BCL9: variants seen among roughly 807,000 people sequenced by gnomAD.
BCL9 encodes BCL9 transcription coactivator.
BCL9 carries 25 observed loss-of-function variants against 88.5 expected under a neutral mutation model. The observed-to-expected ratio is 0.28, with a 90% CI of 0.21 to 0.39. BCL9 has a LOEUF of 0.39. Ranked by LOEUF, BCL9 falls within the 10% of genes least tolerant of loss-of-function variation. The pLI is 1.00. For missense variants in BCL9, 1,817 were observed against 1,877.8 expected (o/e 0.97, Z 0.60); for synonymous variants, 711 against 673.3 (o/e 1.06, Z -0.87).
At chr1:147,587,724 T>C (rs1656677518) in intron 1 of BCL9, among the ~76,000 whole-genome samples, 1 of 151,944 alleles carries the variant, frequency 6.6e-6, no homozygotes, top group Admixed American at 6.6e-5. Flanking sequence ...AAATGTTCTC[T>C]AATGGTGGGA....
At chr1:147,623,130 A>T (rs993403055) in intron 9 of BCL9, among the ~76,000 whole-genome samples, 2 of 152,146 alleles carry the variant, frequency 1.3e-5, no homozygotes, top group Non-Finnish European at 2.9e-5. Flanking sequence ...ATGACTTTTC[A>T]GCCATGAGTT....
intron 1 of BCL9, among the ~76,000 whole-genome samples, chr1:147,567,547 G>A (rs1419103775): frequency 6.6e-5 from 10 of 152,086 alleles, no homozygotes; most frequent in African/African-American, 2.4e-4. Flanking sequence ...AGCAAAAGCA[G>A]GAATAAAATA....
chr1:147,594,651 C>G (rs1355626208), intron 1 of BCL9, among the ~76,000 whole-genome samples: 1 of 152,030 alleles, frequency 6.6e-6, no homozygotes, highest in Non-Finnish European at 1.5e-5. Flanking sequence ...CTTTAAAGAA[C>G]AACAATTAAG....
intron 1 of BCL9, among the ~76,000 whole-genome samples, chr1:147,558,020 GA>G (rs371232128): frequency 5.9e-4 from 89 of 151,520 alleles, no homozygotes; most frequent in African/African-American, 1.8e-3. Flanking sequence ...CACTATGAAA[GA>G]AAAAAAACAT....
At chr1:147,554,380 A>G (rs1471828909) in intron 1 of BCL9, among the ~76,000 whole-genome samples, 1 of 152,360 alleles carries the variant, frequency 6.6e-6, no homozygotes, top group East Asian at 1.9e-4. Flanking sequence ...GTAAAGGGAA[A>G]GATGACATTG....
In BCL9 at chr1:147,620,742, C is replaced by T; in HGVS notation, c.2587C>T (p.Leu863=). The T allele has an allele frequency of 6.2e-7, 1 of 1,614,160 alleles. No individual in the cohort carries two copies. Among genetic ancestry groups the T allele is most frequent in the East Asian group, 2.2e-5 (1 of 44,884 alleles). Residue 863 remains leucine, a synonymous_variant, in exon 8 of 10, where the codon CTG becomes TTG. Coordinates refer to ENST00000234739, the MANE Select transcript of BCL9 (RefSeq NM_004326.4). ...SQVHSPGINP[L]KSPTMHQVQS... ...GGTGCATTCCCCAGGCATTAACCCT[C>T]TGAAGTCTCCCACGATGCACCAAGT...
chr1:147,603,070 C>G (rs894107696), intron 1 of BCL9, among the ~76,000 whole-genome samples: 3 of 152,218 alleles, frequency 2.0e-5, no homozygotes, highest in African/African-American at 7.2e-5. Flanking sequence ...CTGAACATCT[C>G]TTAGAATGAG....
At chr1:147,576,377 T>A (rs1656113531) in intron 1 of BCL9, among the ~76,000 whole-genome samples, 1 of 152,202 alleles carries the variant, frequency 6.6e-6, no homozygotes, top group African/African-American at 2.4e-5. Flanking sequence ...TATATCATTT[T>A]AAAGGTATTA....
At chr1:147,549,897 A>G (rs797022975) in intron 1 of BCL9, among the ~76,000 whole-genome samples, 2 of 152,070 alleles carry the variant, frequency 1.3e-5, no homozygotes, top group East Asian at 1.9e-4. Context: ...ACCACTCTCA[A>G]TCTCATAGGT....
chr1:147,606,204 T>A (rs1657694704), intron 2 of BCL9, among the ~76,000 whole-genome samples: 1 of 152,182 alleles, frequency 6.6e-6, no homozygotes, highest in Admixed American at 6.5e-5. Flanking sequence ...CCAGCTCAAT[T>A]CAGTACCGCA....
chr1:147,560,990 C>G (rs959989906), intron 1 of BCL9, among the ~76,000 whole-genome samples: 3 of 152,142 alleles, frequency 2.0e-5, no homozygotes, highest in Non-Finnish European at 4.4e-5. Flanking sequence ...GCTTTCCAAG[C>G]AAATGTTACG....
intron 1 of BCL9, among the ~76,000 whole-genome samples, chr1:147,580,071 C>A (rs1276857408): frequency 6.6e-6 from 1 of 152,198 alleles, no homozygotes; most frequent in Non-Finnish European, 1.5e-5. Flanking sequence ...CGATGTACAA[C>A]ATGTTTATTC....
intron 1 of BCL9, among the ~76,000 whole-genome samples, chr1:147,560,643 A>C (rs980107367): frequency 6.6e-6 from 1 of 150,888 alleles, no homozygotes; most frequent in East Asian, 1.9e-4. Flanking sequence ...GCAGTGGCTC[A>C]CTCCTGTAAT....
intron 1 of BCL9, among the ~76,000 whole-genome samples, chr1:147,596,064 A>G (rs782740172): frequency 1.3e-5 from 2 of 152,158 alleles, no homozygotes; most frequent in Non-Finnish European, 2.9e-5. Context: ...GCTTCTTAAG[A>G]ATGGTGACTC....
chr1:147,622,247 T>G (rs781959737), intron 8 of BCL9, 24 bp from the exon 9 acceptor site: 20 of 1,613,002 alleles, frequency 1.2e-5, no homozygotes, highest in Non-Finnish European at 1.2e-5. Context: ...CCTGCCCGTT[T>G]TGTTTTATTT....
rs1418684737 is a variant in BCL9, at chr1:147,576,730, T to C, written c.-477-28047T>C. ...ACCAGCAATAAAGAAGCCAAGCTGA[T>C]AGGTTCCAGTCACTGTAGGGAACTT... On this transcript the variant is annotated intron_variant, in intron 1 of 9. Transcript: ENST00000234739. 2.6e-5 allele frequency among the ~76,000 whole-genome samples: 4 copies of C among 152,178 alleles called. No homozygotes were observed. In the East Asian group the frequency reaches 7.7e-4, roughly 29 times the overall value.
Position 147,619,944 on chromosome 1 carries a change from C to T in BCL9, c.1789C>T (p.Pro597Ser), listed in dbSNP as rs782400406. 1 of 1,614,178 alleles carries T rather than the reference C, an allele frequency of 6.2e-7. No individual in the cohort carries two copies. Among genetic ancestry groups the T allele is most frequent in the South Asian group, 1.1e-5 (1 of 91,084 alleles). Reference protein sequence around the residue: ...LSGVSWPDDVPKIPDGRNFPP... With the variant: ...LSGVSWPDDVSKIPDGRNFPP... ...TGGAGTCAGTTGGCCAGATGATGTG[C>T]CAAAAATCCCAGATGGTCGAAATTT... The change falls in exon 8 of 10, where the codon CCA (proline) becomes TCA (serine). Residue 597 changes from proline (P) to serine (S), a missense_variant. This residue lies in a region of BCL9 where 1,228 missense variants were observed against 1,191.6 expected (regional missense o/e 1.03). Transcript: ENST00000234739. This position sits in a 1 kb window ranked among gnomAD's most constrained non-coding sequence, Gnocchi z 4.1.
chr1:147,616,436 A>G (rs606426), intron 7 of BCL9, among the ~76,000 whole-genome samples: 3,146 of 152,332 alleles, frequency 0.021, 128 homozygotes, highest in African/African-American at 0.071. Flanking sequence ...TCTGTTTTCT[A>G]TCTGGATCTT....
rs1658918709 is a variant in BCL9 at position 147,625,847 on chromosome 1, T to G, written c.*888T>G. ...CACAGTGTTATTTTGGGGAAATAAATCTAGCAAAGCCTCGCCTTCCATGCC... is the reference window on the plus strand; with the variant it reads ...CACAGTGTTATTTTGGGGAAATAAAGCTAGCAAAGCCTCGCCTTCCATGCC... On this transcript the variant is annotated 3_prime_UTR_variant, in exon 10 of 10. Coordinates refer to ENST00000234739, the MANE Select transcript of BCL9 (RefSeq NM_004326.4). 1 of 232,996 alleles carries G rather than the reference T, an allele frequency of 4.3e-6. No individual in the cohort carries two copies. The highest frequency in any genetic ancestry group is 2.2e-5 in the African/African-American group (1 of 45,288). The allele number at this position is 232,996 out of a possible 1,614,324, so 14.4% of individuals were successfully genotyped here.
Sources: allele counts gnomAD v4.1 joint callset (sites outside exome capture counted in the v4.1 genomes callset), GRCh38; gene constraint gnomAD v4.1.1; regional missense constraint gnomAD v4.1.1; non-coding constraint Gnocchi (gnomAD v3.1); transcripts MANE v1.5; gene names NCBI Gene and HGNC (gene_info 2026-07-23, HGNC 2026-07-21).